RPS6KC1: variants seen among roughly 807,000 people sequenced by gnomAD.
The protein encoded by RPS6KC1 is inactive ribosomal protein S6 kinase delta-1.
Under a neutral mutation model 103.8 loss-of-function variants are expected in RPS6KC1, and 54 were observed. That is an observed-to-expected ratio of 0.52 (90% CI 0.42 to 0.65). RPS6KC1 has a LOEUF of 0.65. Among genes scored for constraint, RPS6KC1 ranks in the 30% least tolerant of loss-of-function variants. RPS6KC1 has a pLI of 0.00. For synonymous variants in RPS6KC1, 439 were observed against 438.7 expected (o/e 1.00, Z -0.01); for missense variants, 1,151 against 1,253.8 (o/e 0.92, Z 1.24).
At chr1:213,084,736 G>A (rs891210172) in intron 3 of RPS6KC1, among the ~76,000 whole-genome samples, 8 of 151,906 alleles carry the variant, frequency 5.3e-5, no homozygotes, top group Non-Finnish European at 1.0e-4. Flanking sequence ...CATTATATTG[G>A]CATTTTTGAA....
At chr1:213,858,201 A>T in the RPS6KC1 span, among the ~76,000 whole-genome samples, 1 of 152,240 alleles carries the variant, frequency 6.6e-6, no homozygotes, top group Non-Finnish European at 1.5e-5. Context: ...GTTACATGCC[A>T]TATACTTTGT....
chr1:213,484,013 G>T, the RPS6KC1 span, among the ~76,000 whole-genome samples: 1 of 152,302 alleles, frequency 6.6e-6, no homozygotes, highest in Middle Eastern at 3.4e-3. Flanking sequence ...TTCTTAAAAT[G>T]CTGTCTTCCT....
At chr1:213,826,028 G>T in the RPS6KC1 span, among the ~76,000 whole-genome samples, 1 of 152,140 alleles carries the variant, frequency 6.6e-6, no homozygotes, top group Non-Finnish European at 1.5e-5. Flanking sequence ...AATGACAGAT[G>T]ATCGTCTTAT....
the RPS6KC1 span, among the ~76,000 whole-genome samples, chr1:213,296,070 T>C: frequency 2.0e-5 from 3 of 152,244 alleles, no homozygotes; most frequent in Non-Finnish European, 4.4e-5. Context: ...CTTTGAATCA[T>C]TTGTAAAGTG....
At chr1:213,445,798 C>T in the RPS6KC1 span, among the ~76,000 whole-genome samples, 1 of 152,220 alleles carries the variant, frequency 6.6e-6, no homozygotes, top group Non-Finnish European at 1.5e-5. Flanking sequence ...TGCAGGCTGA[C>T]TGCTAAGTGG....
At chr1:213,574,192 G>A in the RPS6KC1 span, among the ~76,000 whole-genome samples, 5 of 152,256 alleles carry the variant, frequency 3.3e-5, no homozygotes, top group East Asian at 3.9e-4. Context: ...CCCTTTCTAC[G>A]CCTCTTTCTT....
chr1:213,717,126 G>A, the RPS6KC1 span, among the ~76,000 whole-genome samples: 2,388 of 152,270 alleles, frequency 0.016, 44 homozygotes, highest in African/African-American at 0.044. Context: ...AAAATGAATA[G>A]GGCACTAGAT....
chr1:213,791,970 C>A, the RPS6KC1 span, among the ~76,000 whole-genome samples: 1 of 152,178 alleles, frequency 6.6e-6, no homozygotes, highest in Non-Finnish European at 1.5e-5. Flanking sequence ...CATGTTCAGG[C>A]AAAGTGCAGT....
At chr1:213,404,529 A>C in the RPS6KC1 span, among the ~76,000 whole-genome samples, 1 of 152,048 alleles carries the variant, frequency 6.6e-6, no homozygotes, top group Non-Finnish European at 1.5e-5. Context: ...TAGTGAATCC[A>C]TGCTACGTGA....
the RPS6KC1 span, among the ~76,000 whole-genome samples, chr1:213,761,056 G>T: frequency 6.6e-6 from 1 of 151,800 alleles, no homozygotes; most frequent in Non-Finnish European, 1.5e-5. Context: ...AGGGAAGCTG[G>T]TCTCGGTGAC....
the RPS6KC1 span, among the ~76,000 whole-genome samples, chr1:213,701,406 C>G: frequency 2.0e-5 from 3 of 152,012 alleles, no homozygotes; most frequent in East Asian, 1.9e-4. Flanking sequence ...ATAAATCCCA[C>G]TTGGTCATGA....
the RPS6KC1 span, among the ~76,000 whole-genome samples, chr1:213,288,256 G>T: frequency 1.3e-5 from 2 of 152,204 alleles, no homozygotes; most frequent in African/African-American, 4.8e-5. Context: ...ACTGGGGGAG[G>T]AAGGGAATAC....
At chr1:213,597,103 A>AT in the RPS6KC1 span, among the ~76,000 whole-genome samples, 1 of 152,136 alleles carries the variant, frequency 6.6e-6, no homozygotes, top group East Asian at 1.9e-4. Context: ...TATGTTGGTT[A>AT]TTTTTTTCCT....
the RPS6KC1 span, among the ~76,000 whole-genome samples, chr1:213,604,906 G>A: frequency 3.9e-5 from 6 of 152,190 alleles, no homozygotes; most frequent in African/African-American, 1.2e-4. Flanking sequence ...GAGATGGGAA[G>A]GGTGGCTTGC....
chr1:213,094,662 T>C (rs1325404081), intron 3 of RPS6KC1, among the ~76,000 whole-genome samples: 1 of 152,224 alleles, frequency 6.6e-6, no homozygotes, highest in Non-Finnish European at 1.5e-5. Flanking sequence ...GGCACTATAT[T>C]GGTTTGACCT....
chr1:213,847,671 C>A, the RPS6KC1 span, among the ~76,000 whole-genome samples: 1 of 152,110 alleles, frequency 6.6e-6, no homozygotes, highest in Admixed American at 6.5e-5. Flanking sequence ...TCCCTTGACC[C>A]TCTCCTGTTT....
chr1:213,074,006 G>GA (rs2079096244), intron 2 of RPS6KC1, among the ~76,000 whole-genome samples: 1 of 152,174 alleles, frequency 6.6e-6, no homozygotes, highest in Admixed American at 6.5e-5. Flanking sequence ...AATATATCGG[G>GA]AAAGGAAAGG....
the RPS6KC1 span, among the ~76,000 whole-genome samples, chr1:213,426,304 G>A: frequency 7.9e-5 from 12 of 152,206 alleles, no homozygotes; most frequent in Non-Finnish European, 1.5e-5. Flanking sequence ...TGAGTCCTGG[G>A]GCAGGTTGTG....
chr1:213,805,709 T>G, the RPS6KC1 span, among the ~76,000 whole-genome samples: 1 of 152,266 alleles, frequency 6.6e-6, no homozygotes, highest in East Asian at 1.9e-4. Flanking sequence ...TGACCTCATC[T>G]TTTGAATCAC....
Sources: allele counts gnomAD v4.1 joint callset (sites outside exome capture counted in the v4.1 genomes callset), GRCh38; gene constraint gnomAD v4.1.1; transcripts MANE v1.5; gene names NCBI Gene and HGNC (gene_info 2026-07-23, HGNC 2026-07-21).